Variants in TXNRD2 observed in about 807,000 individuals in gnomAD.
TXNRD2 encodes the protein thioredoxin reductase 2, mitochondrial.
In TXNRD2, 67 loss-of-function variants were observed where a neutral mutation model predicts 70.8. That is an observed-to-expected ratio of 0.95 (90% CI 0.78 to 1.16). TXNRD2 has a LOEUF of 1.16. Among genes scored for constraint, TXNRD2 ranks in the 50% most tolerant of loss-of-function variants. The pLI is 0.00. For synonymous variants in TXNRD2, 301 were observed against 295.8 expected, an observed-to-expected ratio of 1.02 and a Z score of -0.18; for missense variants, 644 against 719.9, an observed-to-expected ratio of 0.89 and a Z score of 1.21.
At chr22:19,890,018 A>G (rs970641222) in intron 11 of TXNRD2, among the ~76,000 whole-genome samples, 8 of 152,192 alleles carry the variant, frequency 5.3e-5, no homozygotes, top group Non-Finnish European at 7.3e-5. Flanking sequence ...CTGGCCTGTC[A>G]GATAGCTGTG....
At chr22:19,891,033 G>A (rs573559844) in intron 11 of TXNRD2, among the ~76,000 whole-genome samples, 1 of 152,348 alleles carries the variant, frequency 6.6e-6, no homozygotes, top group East Asian at 1.9e-4. Flanking sequence ...GGTGGCCTCT[G>A]TGTGGTGCCA....
Position 19,895,541 on chromosome 22 carries a change from C to T in TXNRD2, c.815G>A (p.Gly272Asp). The T allele has an allele frequency of 6.2e-7, 1 of 1,613,254 alleles. No individual in the cohort carries two copies. The highest frequency in any genetic ancestry group is 8.5e-7 in the Non-Finnish European group (1 of 1,180,036). Residue 272 changes from glycine (G) to aspartate (D), a missense_variant, in exon 11 of 18, where the codon GGC (glycine) becomes GAC (aspartate). By Grantham distance (94) the Gly-to-Asp change is moderately conservative. Transcript: ENST00000400521. Reference protein sequence around the residue: ...SMVIEHMASHGTRFLRGCAPS... With the variant: ...SMVIEHMASHDTRFLRGCAPS... ...GGCACAGCCCCTCAGGAACCGGGTGCCATGAGATGCCATGTGCTCTATGAC... is the reference window on the plus strand; with the variant it reads ...GGCACAGCCCCTCAGGAACCGGGTGTCATGAGATGCCATGTGCTCTATGAC...
At chr22:19,932,427 C>T (rs1209005377) in intron 1 of TXNRD2, 12 of 1,612,096 alleles carry the variant, frequency 7.4e-6, no homozygotes, top group Admixed American at 5.0e-5. Context: ...AAGGTGTCAT[C>T]GTGTCTACTC....
chr22:19,886,814 T>C (rs1295033416), intron 11 of TXNRD2, among the ~76,000 whole-genome samples: 1 of 152,220 alleles, frequency 6.6e-6, no homozygotes, highest in Non-Finnish European at 1.5e-5. Flanking sequence ...CAAGTGCTGC[T>C]GAATGGCCCC....
At chr22:19,879,453 C>T (rs942626623) in intron 14 of TXNRD2, among the ~76,000 whole-genome samples, 1 of 152,076 alleles carries the variant, frequency 6.6e-6, no homozygotes, top group Admixed American at 6.5e-5. Context: ...GAGCAGACCC[C>T]CAAAGCAGGC....
At chr22:19,906,992 G>C (rs1601429349) in intron 8 of TXNRD2, among the ~76,000 whole-genome samples, 5 of 74,646 alleles carry the variant, frequency 6.7e-5, no homozygotes, top group Admixed American at 2.1e-4. Flanking sequence ...GTGGGTAGCA[G>C]TGACCGCTCT....
intron 14 of TXNRD2, among the ~76,000 whole-genome samples, chr22:19,878,672 T>C (rs1208019548): frequency 6.6e-6 from 1 of 152,180 alleles, no homozygotes; most frequent in Non-Finnish European, 1.5e-5. Flanking sequence ...ACAGACCCTG[T>C]CCCACCCAGG....
chr22:19,890,824 G>A (rs952092261), intron 11 of TXNRD2, among the ~76,000 whole-genome samples: 4 of 152,230 alleles, frequency 2.6e-5, no homozygotes, highest in African/African-American at 9.6e-5. Context: ...GCTGAGCAAA[G>A]ACAGTTGCCT....
intron 11 of TXNRD2, among the ~76,000 whole-genome samples, chr22:19,886,166 A>G (rs1003000688): frequency 6.6e-6 from 1 of 152,256 alleles, no homozygotes. Flanking sequence ...CAGCAGGCTC[A>G]GCCCTGAGGA....
rs1212969166 is a variant in TXNRD2, at chr22:19,918,350, A to C, written c.375-133T>G. 5.0e-5 allele frequency: 41 copies of C among 817,302 alleles called. No homozygotes were observed. In the East Asian group the frequency reaches 1.1e-3, roughly 22 times the overall value. 50.6% of individuals were successfully genotyped at this position (817,302 alleles called of 1,614,324 possible). A position where few individuals can be genotyped will look rare whatever the true frequency, so the allele number is the denominator to read the frequency against. ...ACAAGAGTGCTTTTAAAGGTGGCAAAACGTGACATCCATCCCTACGTGCAA... is the reference window on the plus strand; with the variant it reads ...ACAAGAGTGCTTTTAAAGGTGGCAACACGTGACATCCATCCCTACGTGCAA... On this transcript the variant is annotated intron_variant, in intron 4 of 17. Transcript: ENST00000400521.
intron 11 of TXNRD2, 72 bp downstream of exon 11, chr22:19,895,335 G>C (rs1394065328): frequency 2.4e-5 from 38 of 1,607,842 alleles, no homozygotes; most frequent in Non-Finnish European, 2.7e-5. Context: ...GAGGTGACAG[G>C]AAGTGGGGCA....
At chr22:19,925,144 C>T (rs956096650) in intron 2 of TXNRD2, among the ~76,000 whole-genome samples, 2 of 151,752 alleles carry the variant, frequency 1.3e-5, no homozygotes, top group African/African-American at 2.4e-5. Flanking sequence ...ATTAGACGGG[C>T]ATGGTGGCAT....
intron 7 of TXNRD2, among the ~76,000 whole-genome samples, chr22:19,912,097 G>A (rs1169966626): frequency 2.6e-5 from 4 of 152,210 alleles, no homozygotes. Context: ...GCTGGCCCGG[G>A]TGGGCTCTGA....
intron 16 of TXNRD2, among the ~76,000 whole-genome samples, chr22:19,877,762 A>G (rs1028908842): frequency 6.6e-6 from 1 of 152,214 alleles, no homozygotes; most frequent in African/African-American, 2.4e-5. Context: ...GACACACAGC[A>G]GCCCTGGGGT....
intron 2 of TXNRD2, among the ~76,000 whole-genome samples, chr22:19,924,487 A>G (rs1331897937): frequency 6.6e-6 from 1 of 152,130 alleles, no homozygotes; most frequent in Admixed American, 6.6e-5. Flanking sequence ...CGTAGACCCA[A>G]CAGCTGAGCT....
At chr22:19,925,094 C>T (rs923137256) in intron 2 of TXNRD2, among the ~76,000 whole-genome samples, 5 of 149,864 alleles carry the variant, frequency 3.3e-5, no homozygotes, top group South Asian at 2.1e-4. Flanking sequence ...ACCATCCTGG[C>T]TAACACGGCG....
In TXNRD2 at chr22:19,919,613, G is replaced by A. The variant is rs780115745; in HGVS notation, c.173-14C>T. On this transcript the variant is annotated splice_polypyrimidine_tract_variant and intron_variant, in intron 2 of 17. Transcript: ENST00000400521. ...CCAGCTGGGCGGCTGGAAGGATAAG[G>A]AGAGCAGCAGGTGAGCATGGGGAGC... 2.6e-6 allele frequency: 4 copies of A among 1,555,076 alleles called. No individual in the cohort carries two copies. The highest frequency in any genetic ancestry group is 1.7e-4 in the Middle Eastern group (1 of 5,996).
intron 8 of TXNRD2, among the ~76,000 whole-genome samples, chr22:19,904,137 T>C (rs989736837): frequency 6.6e-6 from 1 of 151,972 alleles, no homozygotes; most frequent in African/African-American, 2.4e-5. Flanking sequence ...AGGGCGTGGC[T>C]ATGGGAGTGG....
chr22:19,905,737 C>T (rs57323478), intron 8 of TXNRD2, among the ~76,000 whole-genome samples: 1,814 of 152,106 alleles, frequency 0.012, 43 homozygotes, highest in African/African-American at 0.041. Context: ...GAGAAGCCTA[C>T]GTGAAAGACA....
Sources: allele counts gnomAD v4.1 joint callset (sites outside exome capture counted in the v4.1 genomes callset), GRCh38; gene constraint gnomAD v4.1.1; transcripts MANE v1.5; gene names NCBI Gene and HGNC (gene_info 2026-07-23, HGNC 2026-07-21).